TBC1D31: variants seen among roughly 807,000 people sequenced by gnomAD.
TBC1D31 encodes TBC1 domain family member 31.
Under a neutral mutation model 132.9 loss-of-function variants are expected in TBC1D31, and 99 were observed. That is an observed-to-expected ratio of 0.74 (90% CI 0.63 to 0.88). TBC1D31 has a LOEUF of 0.88. Among genes scored for constraint, TBC1D31 ranks in the 40% least tolerant of loss-of-function variants. The pLI is 0.00. For synonymous variants in TBC1D31, 385 were observed against 419.4 expected (o/e 0.92, Z 1.00); for missense variants, 1,134 against 1,256.6 (o/e 0.90, Z 1.48).
intron 20 of TBC1D31, among the ~76,000 whole-genome samples, chr8:123,147,704 A>G (rs969361239): frequency 6.6e-6 from 1 of 152,132 alleles, no homozygotes; most frequent in Non-Finnish European, 1.5e-5. Context: ...TGATTAATAA[A>G]CATCCAGTTT....
rs745997465 is a variant in TBC1D31 at position 123,120,101 on chromosome 8, C to T, written c.1483C>T (p.Pro495Ser). Reference protein sequence around the residue: ...AHWSVIFSDTPYLPLLAFPFV... With the variant: ...AHWSVIFSDTSYLPLLAFPFV... ...CTGGTCTGTCATTTTTAGTGACACA[C>T]CATATCTTCCACTCTTGGCATTTCC... Residue 495 changes from proline to serine, a missense_variant, in exon 11 of 22, where the codon CCA becomes TCA. Physicochemically the swap from Pro to Ser is moderately conservative, Grantham distance 74. Coordinates refer to ENST00000287380, the MANE Select transcript of TBC1D31 (RefSeq NM_145647.4). 10 of 1,610,528 alleles carry T rather than the reference C, an allele frequency of 6.2e-6. No homozygotes were observed. The African/African-American group carries it at 1.3e-4, about 22-fold the overall frequency.
At position 123,133,493 on chromosome 8, in the gene TBC1D31, T is replaced by C. The variant is rs563180306; in HGVS notation, c.2407-621T>C. 1.8e-4 allele frequency among the ~76,000 whole-genome samples: 28 copies of C among 152,342 alleles called. No homozygotes were observed. In the South Asian group the frequency reaches 5.0e-3, roughly 27 times the overall value. On this transcript the variant is annotated intron_variant, in intron 16 of 21. Coordinates refer to ENST00000287380, the MANE Select transcript of TBC1D31 (RefSeq NM_145647.4). Reference sequence around the variant, plus strand: ...TTTTAGGTATTCGATAGCATGTCTTTTACCATAATGACAATATCTAACATT... The same window carrying C: ...TTTTAGGTATTCGATAGCATGTCTTCTACCATAATGACAATATCTAACATT...
chr8:123,148,494 T>C (rs1404635459), intron 20 of TBC1D31, among the ~76,000 whole-genome samples: 1 of 151,692 alleles, frequency 6.6e-6, no homozygotes, highest in Non-Finnish European at 1.5e-5. Context: ...TCCTAGCAAT[T>C]TGGGAGACTG....
At position 123,082,774 on chromosome 8, in the gene TBC1D31, C is replaced by A; in HGVS notation, c.297C>A (p.Phe99Leu). Residue 99 changes from phenylalanine (F) to leucine (L), a missense_variant, in exon 3 of 22, where the codon TTC becomes TTA. Transcript: ENST00000287380. The part of the protein sequence containing the change: ...LAFNLRRKSE[F>L]LVALADYSIK... The stretch of plus-strand genomic sequence containing the variant: ...TTAATCTTCGTAGGAAATCTGAATT[C>A]CTTGTGGCATTAGCTGATTATTCTA... 6.2e-7 allele frequency: 1 copy of A among 1,613,348 alleles called. No homozygotes were observed. The highest frequency in any genetic ancestry group is 8.5e-7 in the Non-Finnish European group (1 of 1,179,900).
chr8:123,136,924 G>A (rs191792905), intron 17 of TBC1D31, among the ~76,000 whole-genome samples: 6 of 152,258 alleles, frequency 3.9e-5, no homozygotes, highest in South Asian at 2.1e-4. Flanking sequence ...AGTTAGGTAC[G>A]GATGTGCTGC....
intron 2 of TBC1D31, among the ~76,000 whole-genome samples, chr8:123,080,655 G>T (rs376943252): frequency 1.6e-4 from 23 of 145,966 alleles, no homozygotes; most frequent in East Asian, 1.5e-3. Flanking sequence ...TTCTGCCTCA[G>T]CCTCCCAAGT....
At chr8:123,095,832 C>T (rs954351838) in intron 5 of TBC1D31, among the ~76,000 whole-genome samples, 19 of 152,120 alleles carry the variant, frequency 1.2e-4, no homozygotes, top group Admixed American at 6.5e-4. Flanking sequence ...GACCCTAATC[C>T]GGATGCTAGG....
At chr8:123,085,768 T>C (rs1473103006) in intron 4 of TBC1D31, among the ~76,000 whole-genome samples, 1 of 152,252 alleles carries the variant, frequency 6.6e-6, no homozygotes, top group Non-Finnish European at 1.5e-5. Context: ...GTTTGTTCTT[T>C]CTTATTGCTG....
At position 123,105,329 on chromosome 8, in the gene TBC1D31, G is replaced by A; in HGVS notation, c.1074G>A (p.Lys358=). ...TGAAAGTTATTGAAGATTTGCCCAA[G>A]AATAAACTGAGTTCCAGTGATCTTA... is the stretch of plus-strand genomic sequence containing the variant. ...PLVKVIEDLP[K]NKLSSSDLKM... Residue 358 remains lysine, a synonymous_variant, in exon 8 of 22, where the codon AAG becomes AAA. Coordinates refer to ENST00000287380, the MANE Select transcript of TBC1D31 (RefSeq NM_145647.4). 1 of 1,599,200 alleles carries A rather than the reference G, an allele frequency of 6.3e-7. No homozygotes were observed. The highest frequency in any genetic ancestry group is 2.3e-5 in the East Asian group (1 of 44,406).
At chr8:123,131,234 G>T (rs1224372901) in intron 16 of TBC1D31, among the ~76,000 whole-genome samples, 3 of 151,626 alleles carry the variant, frequency 2.0e-5, no homozygotes, top group Non-Finnish European at 4.4e-5. Flanking sequence ...CATGGTGGCA[G>T]GCGCTTGTAA....
the TBC1D31 span, among the ~76,000 whole-genome samples, chr8:123,161,807 A>G: frequency 6.6e-6 from 1 of 152,182 alleles, no homozygotes; most frequent in Admixed American, 6.5e-5. Context: ...ACCTGAGGTC[A>G]GAAGTTTGAG....
intron 17 of TBC1D31, among the ~76,000 whole-genome samples, chr8:123,134,734 T>C (rs2130852329): frequency 6.6e-6 from 1 of 152,344 alleles, no homozygotes; most frequent in East Asian, 1.9e-4. Context: ...GTCTAGTGTC[T>C]GAAGCACCAG....
rs1392705093 is a variant in TBC1D31 at position 123,072,746 on chromosome 8, C to A, written c.-24C>A. 7.1e-6 allele frequency: 11 copies of A among 1,551,920 alleles called. No individual in the cohort carries two copies. Among genetic ancestry groups the A allele is most frequent in the Non-Finnish European group, 7.8e-6 (9 of 1,147,634 alleles). On this transcript the variant is annotated 5_prime_UTR_variant, in exon 1 of 22. Transcript: ENST00000287380. ...CTGGGACGGTTACCCAGCGGGCCGC[C>A]GGCGGTCGTGGGCAAGCTTCGCCAT... is the stretch of plus-strand genomic sequence containing the variant.
At chr8:123,102,496 C>G (rs1276265506) in intron 7 of TBC1D31, 2 of 290,072 alleles carry the variant, frequency 6.9e-6, no homozygotes, top group Non-Finnish European at 1.3e-5. Flanking sequence ...CACTGAAAGT[C>G]TCACCATTCT....
At chr8:123,111,152 T>G (rs1379261304) in intron 10 of TBC1D31, among the ~76,000 whole-genome samples, 1 of 152,132 alleles carries the variant, frequency 6.6e-6, no homozygotes, top group Non-Finnish European at 1.5e-5. Context: ...TCCTAGGTGG[T>G]TTTATGTACT....
chr8:123,143,675 T>G (rs973274405), intron 19 of TBC1D31, among the ~76,000 whole-genome samples: 5 of 152,154 alleles, frequency 3.3e-5, no homozygotes, highest in African/African-American at 9.7e-5. Context: ...CCCATCCCAG[T>G]GGCATGGAGC....
intron 17 of TBC1D31, among the ~76,000 whole-genome samples, chr8:123,137,182 T>C (rs1821177734): frequency 6.6e-6 from 1 of 152,228 alleles, no homozygotes; most frequent in Non-Finnish European, 1.5e-5. Context: ...GTACTCCAGA[T>C]CCCATCCCCT....
chr8:123,109,177 G>A, intron 8 of TBC1D31, 140 bp from the exon 9 acceptor site: 2 of 622,088 alleles, frequency 3.2e-6, no homozygotes, highest in Non-Finnish European at 5.6e-6. Flanking sequence ...GGGGAGTGGG[G>A]AAAAGACCTA....
intron 11 of TBC1D31, among the ~76,000 whole-genome samples, chr8:123,125,128 C>A (rs1401462897): frequency 6.6e-6 from 1 of 152,038 alleles, no homozygotes; most frequent in African/African-American, 2.4e-5. Context: ...GCTGATAAAG[C>A]CTTCTTTTGC....
Sources: gnomAD v4.1 joint callset for allele counts (sites outside exome capture counted in the v4.1 genomes callset) on GRCh38, gnomAD v4.1.1 for gene constraint, MANE v1.5 for transcripts, NCBI Gene and HGNC (gene_info 2026-07-23, HGNC 2026-07-21) for gene names.